Variants in RORA observed in about 807,000 individuals in gnomAD.
RORA encodes nuclear receptor ROR-alpha.
A neutral mutation model predicts 69.5 loss-of-function variants in RORA; 7 were observed. The observed-to-expected ratio is 0.10, with a 90% CI of 0.06 to 0.19. RORA has a LOEUF of 0.19. Among genes scored for constraint, RORA ranks in the 10% least tolerant of loss-of-function variants. RORA has a pLI of 1.00. For missense variants in RORA, 457 were observed against 663.0 expected (o/e 0.69, Z 3.41); for synonymous variants, 261 against 240.8 (o/e 1.08, Z -0.78).
At chr15:60,836,444 T>C (rs2073116592) in intron 1 of RORA, among the ~76,000 whole-genome samples, 1 of 152,192 alleles carries the variant, frequency 6.6e-6, no homozygotes. Context: ...CCTCTCTGCC[T>C]GTCCAGAAGT....
intron 1 of RORA, among the ~76,000 whole-genome samples, chr15:61,027,900 C>A (rs909064285): frequency 6.6e-6 from 1 of 152,148 alleles, no homozygotes; most frequent in African/African-American, 2.4e-5. Flanking sequence ...ACCTTACAAA[C>A]CTAAAGCCCA....
intron 1 of RORA, among the ~76,000 whole-genome samples, chr15:60,754,664 C>T (rs938665073): frequency 2.6e-5 from 4 of 152,194 alleles, no homozygotes; most frequent in Non-Finnish European, 4.4e-5. Flanking sequence ...ACATTGACAT[C>T]CACCTCCTCT....
chr15:61,067,678 A>C (rs930783383), intron 1 of RORA, among the ~76,000 whole-genome samples: 1 of 152,238 alleles, frequency 6.6e-6, no homozygotes, highest in African/African-American at 2.4e-5. Context: ...ACAAGGATTT[A>C]AACACTGGTG....
chr15:61,113,404 G>A (rs2079024253), intron 1 of RORA, among the ~76,000 whole-genome samples: 1 of 152,194 alleles, frequency 6.6e-6, no homozygotes, highest in Non-Finnish European at 1.5e-5. Context: ...TCTGAGGACA[G>A]CAGGGAACAT....
chr15:60,851,871 G>C (rs1330669270), intron 1 of RORA, among the ~76,000 whole-genome samples: 1 of 151,932 alleles, frequency 6.6e-6, no homozygotes, highest in African/African-American at 2.4e-5. Flanking sequence ...TTTTCTTCCG[G>C]ATCACTGGAT....
intron 2 of RORA, among the ~76,000 whole-genome samples, chr15:60,563,236 C>G (rs2067627525): frequency 6.6e-6 from 1 of 152,174 alleles, no homozygotes; most frequent in African/African-American, 2.4e-5. Context: ...GTGCAAGATG[C>G]TGATGGTGCA....
intron 2 of RORA, among the ~76,000 whole-genome samples, chr15:60,669,187 C>T (rs1046227880): frequency 6.6e-5 from 10 of 152,196 alleles, no homozygotes; most frequent in African/African-American, 2.2e-4. Context: ...ACTGCACATT[C>T]CATGCCTCTG....
rs3053932 is a variant in RORA, at chr15:60,993,644, CAAAAAAAAAAA to C, written c.166+235398_166+235408del. Among the ~76,000 whole-genome samples, 54 of 83,046 alleles carry C rather than the reference CAAAAAAAAAAA, an allele frequency of 6.5e-4. No individual in the cohort carries two copies. The South Asian group carries it at 0.025, about 38-fold the overall frequency. 54.5% of individuals were successfully genotyped at this position (83,046 alleles called of 152,430 possible). On this transcript the variant is annotated intron_variant, in intron 1 of 10. Transcript: ENST00000335670. ...GGTGACAGAGCAAGACTCTCCATCTCAAAAAAAAAAAAAAAAAAAAAAGACCTGGGATCTAC... is the reference window on the plus strand; with the variant it reads ...GGTGACAGAGCAAGACTCTCCATCTCAAAAAAAAAAAGACCTGGGATCTAC...
At chr15:61,113,118 C>T (rs944757796) in intron 1 of RORA, among the ~76,000 whole-genome samples, 1 of 152,204 alleles carries the variant, frequency 6.6e-6, no homozygotes, top group Non-Finnish European at 1.5e-5. Context: ...CATCTGGCTC[C>T]TGCTATGGGT....
chr15:60,603,623 T>TTC (rs1484517025), intron 2 of RORA, among the ~76,000 whole-genome samples: 2 of 152,256 alleles, frequency 1.3e-5, no homozygotes, highest in Non-Finnish European at 2.9e-5. Context: ...TTATGTGTGT[T>TTC]TCTGTTTAAA....
chr15:60,692,337 A>C (rs917652122), intron 1 of RORA, among the ~76,000 whole-genome samples: 1 of 152,192 alleles, frequency 6.6e-6, no homozygotes, highest in Non-Finnish European at 1.5e-5. Context: ...ATTCTTCCTA[A>C]ATAAAACAAT....
rs1247807004 is a variant in RORA, at chr15:61,128,526, G to A, written c.166+100527C>T. 6.6e-5 allele frequency among the ~76,000 whole-genome samples: 10 copies of A among 152,148 alleles called. No individual in the cohort carries two copies. Among genetic ancestry groups the A allele is most frequent in the Non-Finnish European group, 1.3e-4 (9 of 68,038 alleles). ...GATACCATGAGCACAGACCTATGAC[G>A]CTGTTGATTACGTTAGATAACTCAG... On this transcript the variant is annotated intron_variant, in intron 1 of 10. Coordinates refer to ENST00000335670, the MANE Select transcript of RORA (RefSeq NM_134261.3). The surrounding 1 kb of genome is among the most constrained non-coding windows in gnomAD (Gnocchi z 4.5).
rs202045984 is a variant in RORA at position 60,614,874 on chromosome 15, T to A, written c.196+63783A>T. The A allele has an allele frequency of 1.6e-5, 25 of 1,603,826 alleles. No homozygotes were observed. The East Asian group carries it at 2.2e-4, about 14-fold the overall frequency. ...ATACATATAGCTGCCTGGAGCATAG[T>A]AAGCTCTCAAATAACGCACCTTTTC... On this transcript the variant is annotated intron_variant, in intron 2 of 10. Coordinates refer to ENST00000335670, the MANE Select transcript of RORA (RefSeq NM_134261.3).
At chr15:60,984,188 G>A (rs1033430657) in intron 1 of RORA, among the ~76,000 whole-genome samples, 1 of 152,026 alleles carries the variant, frequency 6.6e-6, no homozygotes, top group South Asian at 2.1e-4. Flanking sequence ...ATAGCACCCC[G>A]ATTGAGTAAT....
intron 1 of RORA, among the ~76,000 whole-genome samples, chr15:60,723,984 A>T (rs906057253): frequency 2.0e-5 from 3 of 152,232 alleles, no homozygotes; most frequent in Non-Finnish European, 4.4e-5. Context: ...TGAGGTAAAG[A>T]TGTTAATTCC....
chr15:60,907,376 T>C (rs1368733937), intron 1 of RORA, among the ~76,000 whole-genome samples: 1 of 152,112 alleles, frequency 6.6e-6, no homozygotes, highest in East Asian at 1.9e-4. Flanking sequence ...GAAAGAGCAA[T>C]GTAAGAGGAG....
At chr15:60,501,981 TTTA>T (rs2065345357) in intron 8 of RORA, among the ~76,000 whole-genome samples, 1 of 152,190 alleles carries the variant, frequency 6.6e-6, no homozygotes, top group African/African-American at 2.4e-5. Context: ...AAATCCAAAA[TTTA>T]TTATTAATTA....
intron 1 of RORA, among the ~76,000 whole-genome samples, chr15:60,718,029 C>T (rs1488352087): frequency 6.6e-6 from 1 of 152,022 alleles, no homozygotes; most frequent in African/African-American, 2.4e-5. Context: ...GAACTCCCGA[C>T]CTCAAGTGAT....
At chr15:60,957,939 G>T (rs1263482984) in intron 1 of RORA, among the ~76,000 whole-genome samples, 3 of 140,816 alleles carry the variant, frequency 2.1e-5, no homozygotes, top group African/African-American at 7.9e-5. Flanking sequence ...GACCTATGAG[G>T]CATGCTTGAT....
Sources: gnomAD v4.1 joint callset for allele counts (sites outside exome capture counted in the v4.1 genomes callset) on GRCh38, gnomAD v4.1.1 for gene constraint, Gnocchi (gnomAD v3.1) non-coding constraint, MANE v1.5 for transcripts, NCBI Gene and HGNC (gene_info 2026-07-23, HGNC 2026-07-21) for gene names.